The following TSGA10 variants were observed in gnomAD, a reference collection of about 807,000 sequenced individuals.
The protein encoded by TSGA10 is testis-specific gene 10 protein.
A neutral mutation model predicts 96.6 loss-of-function variants in TSGA10; 43 were observed. The observed-to-expected ratio is 0.44, with a 90% CI of 0.35 to 0.57. The LOEUF (loss-of-function observed/expected upper bound fraction) is 0.57. Ranked by LOEUF, TSGA10 falls within the 20% of genes least tolerant of loss-of-function variation. The probability of loss-of-function intolerance (pLI) is 0.01; values close to 1 mark genes in which losing one functional copy is unlikely to be tolerated. For synonymous variants in TSGA10, 229 were observed against 269.9 expected (o/e 0.85, Z 1.48); for missense variants, 703 against 834.4 (o/e 0.84, Z 1.94).
At chr2:99,011,510 T>A (rs2079008500) in intron 20 of TSGA10, among the ~76,000 whole-genome samples, 1 of 151,998 alleles carries the variant, frequency 6.6e-6, no homozygotes, top group Non-Finnish European at 1.5e-5. Context: ...CTCCAAGAAA[T>A]TTGGGATTAT....
chr2:99,006,382 G>C (rs2078474889), intron 20 of TSGA10, among the ~76,000 whole-genome samples: 2 of 152,092 alleles, frequency 1.3e-5, no homozygotes, highest in Non-Finnish European at 2.9e-5. Context: ...GAATATTTTT[G>C]CAATCTACTC....
intron 16 of TSGA10, among the ~76,000 whole-genome samples, chr2:99,045,109 C>A (rs891036169): frequency 1.3e-5 from 2 of 152,042 alleles, no homozygotes; most frequent in African/African-American, 4.8e-5. Flanking sequence ...CCTAACATCA[C>A]AATTAAAAGA....
At chr2:99,040,849 G>A (rs1033250254) in intron 16 of TSGA10, among the ~76,000 whole-genome samples, 1 of 151,924 alleles carries the variant, frequency 6.6e-6, no homozygotes, top group Non-Finnish European at 1.5e-5. Context: ...TTCAAAGTTC[G>A]TCTTGATTTA....
chr2:99,018,527 T>G lies in TSGA10; in HGVS notation c.1922+9A>C. ...CATTGTTTTTGAGCTTGCATAGAGA[T>G]AAACTTACCTTTCAAAGCGCTCTGT... On this transcript the variant is annotated intron_variant, in intron 19 of 20. Coordinates refer to ENST00000393483, the MANE Select transcript of TSGA10 (RefSeq NM_025244.4). 2 of 1,611,878 alleles carry G rather than the reference T, an allele frequency of 1.2e-6. No individual in the cohort carries two copies. The highest frequency in any genetic ancestry group is 1.7e-6 in the Non-Finnish European group (2 of 1,179,060).
intron 10 of TSGA10, among the ~76,000 whole-genome samples, chr2:99,089,234 G>T (rs374729687): frequency 2.0e-5 from 3 of 152,186 alleles, no homozygotes; most frequent in Non-Finnish European, 2.9e-5. Flanking sequence ...AGTAAGCAGC[G>T]GGAAGAGCCC....
intron 17 of TSGA10, among the ~76,000 whole-genome samples, chr2:99,030,450 C>G (rs900996888): frequency 2.0e-5 from 3 of 152,130 alleles, no homozygotes; most frequent in Admixed American, 2.0e-4. Context: ...AAGTTCGAGA[C>G]CAGCCTGGGC....
intron 16 of TSGA10, among the ~76,000 whole-genome samples, chr2:99,058,941 GCAGGAGAATTGCTTGACC>G (rs1173740642): frequency 6.6e-6 from 1 of 151,090 alleles, no homozygotes; most frequent in African/African-American, 2.4e-5. Flanking sequence ...GGAGGCTGAG[GCAGGAGAATTGCTTGACC>G]CAGGAGATGG....
intron 16 of TSGA10, among the ~76,000 whole-genome samples, chr2:99,051,345 A>G (rs897175307): frequency 2.6e-5 from 4 of 152,192 alleles, no homozygotes; most frequent in Admixed American, 2.0e-4. Context: ...GGTTATGATA[A>G]TATCAGAGAA....
intron 20 of TSGA10, among the ~76,000 whole-genome samples, chr2:99,009,465 A>G (rs553424935): frequency 6.4e-4 from 96 of 150,522 alleles, no homozygotes; most frequent in Non-Finnish European, 9.6e-4. Flanking sequence ...CCAGCTACTC[A>G]GGAGGCTGTG....
chr2:99,102,656 C>G, intron 10 of TSGA10: 1 of 1,613,966 alleles, frequency 6.2e-7, no homozygotes, highest in Non-Finnish European at 8.5e-7. Context: ...CTGACAAATT[C>G]TATGGTGTAA....
At chr2:99,068,154 C>A (rs1055745255) in intron 15 of TSGA10, among the ~76,000 whole-genome samples, 1 of 152,204 alleles carries the variant, frequency 6.6e-6, no homozygotes, top group African/African-American at 2.4e-5. Flanking sequence ...AGAATCTCTT[C>A]TGTCTCAAAG....
intron 20 of TSGA10, among the ~76,000 whole-genome samples, chr2:99,000,976 C>T (rs1452022789): frequency 5.3e-5 from 8 of 152,254 alleles, no homozygotes; most frequent in Non-Finnish European, 1.0e-4. Context: ...CCTGGAAGCT[C>T]GAACCGGGTG....
chr2:99,096,410 C>A (rs1003907047), intron 10 of TSGA10, among the ~76,000 whole-genome samples: 2 of 152,164 alleles, frequency 1.3e-5, no homozygotes, highest in African/African-American at 2.4e-5. Context: ...ATGGCTTTTG[C>A]CAATGTCACG....
intron 1 of TSGA10, chr2:99,150,799 G>C: frequency 1.9e-6 from 3 of 1,600,066 alleles, no homozygotes; most frequent in Non-Finnish European, 2.6e-6. Flanking sequence ...ATATGTCAAA[G>C]AAAGTGATGG....
At chr2:99,146,111 C>T (rs940573876) in intron 1 of TSGA10, among the ~76,000 whole-genome samples, 2 of 152,122 alleles carry the variant, frequency 1.3e-5, no homozygotes, top group African/African-American at 2.4e-5. Context: ...GGCGAAACAT[C>T]GTCTCTACTA....
At position 99,071,750 on chromosome 2, in the gene TSGA10, C is replaced by A; in HGVS notation, c.1063G>T (p.Asp355Tyr). 1 of 1,613,858 alleles carries A rather than the reference C, an allele frequency of 6.2e-7. No homozygotes were observed. The highest frequency in any genetic ancestry group is 1.1e-5 in the South Asian group (1 of 91,046). The change falls in exon 14 of 21, where the codon GAC (aspartate) becomes TAC (tyrosine). Residue 355 changes from aspartate (D) to tyrosine (Y), a missense_variant. Coordinates refer to ENST00000393483, the MANE Select transcript of TSGA10 (RefSeq NM_025244.4). ...RERDILAHDN[D>Y]NLQEQFAKAK... The stretch of plus-strand genomic sequence containing the variant: ...TTAGCAAACTGTTCCTGGAGATTGT[C>A]ATTGTCATGAGCCAAGATATCTCTT...
At chr2:99,026,611 G>C (rs1461099564) in intron 17 of TSGA10, among the ~76,000 whole-genome samples, 1 of 151,862 alleles carries the variant, frequency 6.6e-6, no homozygotes, top group East Asian at 1.9e-4. Context: ...TTTTAGTAGA[G>C]ACAGGGTTTC....
rs2078726546 is a variant in TSGA10 at position 99,008,779 on chromosome 2, GTT to G, written c.2072+9419_2072+9420del. Among the ~76,000 whole-genome samples, 4 of 152,288 alleles carry G rather than the reference GTT, an allele frequency of 2.6e-5. No homozygotes were observed. In the South Asian group the frequency reaches 8.3e-4, roughly 32 times the overall value. ...TATTGGAAACTACCTAAATGTCCAA[GTT>G]TAGGAGGTGGGTTGCATAACTATGG... On this transcript the variant is annotated intron_variant, in intron 20 of 20. Coordinates refer to ENST00000393483, the MANE Select transcript of TSGA10 (RefSeq NM_025244.4).
intron 20 of TSGA10, among the ~76,000 whole-genome samples, chr2:99,007,694 A>C (rs2104844237): frequency 6.6e-6 from 1 of 152,360 alleles, no homozygotes; most frequent in East Asian, 1.9e-4. Context: ...AAAACAGGTC[A>C]GATGAACAAA....
Sources: gnomAD v4.1 joint callset for allele counts (sites outside exome capture counted in the v4.1 genomes callset) on GRCh38, gnomAD v4.1.1 for gene constraint, MANE v1.5 for transcripts, NCBI Gene and HGNC (gene_info 2026-07-23, HGNC 2026-07-21) for gene names.